The following STAU2 variants were observed in gnomAD, a reference collection of about 807,000 sequenced individuals.
STAU2 encodes staufen double-stranded RNA binding protein 2.
STAU2 carries 20 observed loss-of-function variants against 65.9 expected under a neutral mutation model. The ratio of observed to expected loss-of-function variants is 0.30; its 90% CI spans 0.21 to 0.44. STAU2 has a LOEUF of 0.44. Among genes scored for constraint, STAU2 ranks in the 20% least tolerant of loss-of-function variants. The pLI, the probability that STAU2 is intolerant of heterozygous loss-of-function variation, is 1.00. For missense variants in STAU2, 558 were observed against 683.9 expected, an observed-to-expected ratio of 0.82 and a Z score of 2.05; for synonymous variants, 232 against 233.9, an observed-to-expected ratio of 0.99 and a Z score of 0.07.
intron 6 of STAU2, among the ~76,000 whole-genome samples, chr8:73,650,526 TC>T (rs759687152): frequency 1.7e-4 from 26 of 152,294 alleles, no homozygotes; most frequent in Non-Finnish European, 3.1e-4. Flanking sequence ...AAGTCACTCA[TC>T]TATATCAAAC....
chr8:73,462,168 C>T (rs1403993368), intron 13 of STAU2, among the ~76,000 whole-genome samples: 1 of 152,166 alleles, frequency 6.6e-6, no homozygotes, highest in East Asian at 1.9e-4. Context: ...CAACCTCCAC[C>T]TCCTGGGTTC....
At chr8:73,544,672 G>A (rs1258085326) in intron 13 of STAU2, among the ~76,000 whole-genome samples, 1 of 152,110 alleles carries the variant, frequency 6.6e-6, no homozygotes, top group Non-Finnish European at 1.5e-5. Flanking sequence ...AGCCAGAAAT[G>A]TTCATTTCCA....
In STAU2 at chr8:73,424,131, A is replaced by T. The variant is rs577997469; in HGVS notation, c.1531-1429T>A. On this transcript the variant is annotated intron_variant, in intron 13 of 14. Coordinates refer to ENST00000524300, the MANE Select transcript of STAU2 (RefSeq NM_001164380.2). ...ACAGTTTTGCCATATAGCAGTTGGG[A>T]TCATACAATATGTCACCTTTTCAGA... 2.5e-4 allele frequency among the ~76,000 whole-genome samples: 33 copies of T among 129,940 alleles called. 1 individual carries two copies. In the South Asian group the frequency reaches 8.1e-3, roughly 32 times the overall value. 85.2% of individuals were successfully genotyped at this position (129,940 alleles called of 152,430 possible).
chr8:73,564,599 AGC>A (rs1808464404), intron 12 of STAU2, among the ~76,000 whole-genome samples: 1 of 152,076 alleles, frequency 6.6e-6, no homozygotes, highest in Non-Finnish European at 1.5e-5. Context: ...CTGTATGACA[AGC>A]CCCCATGACA....
At chr8:73,606,871 C>T (rs1038213717) in intron 9 of STAU2, among the ~76,000 whole-genome samples, 1 of 152,008 alleles carries the variant, frequency 6.6e-6, no homozygotes, top group African/African-American at 2.4e-5. Context: ...TATATCAATT[C>T]AATGAAATAT....
intron 12 of STAU2, among the ~76,000 whole-genome samples, chr8:73,562,863 C>T (rs1056430789): frequency 6.6e-6 from 1 of 152,014 alleles, no homozygotes; most frequent in Non-Finnish European, 1.5e-5. Context: ...CTATAATCAG[C>T]ACTTTGGAAG....
chr8:73,547,870 G>A (rs1039024032), intron 13 of STAU2, among the ~76,000 whole-genome samples: 15 of 151,354 alleles, frequency 9.9e-5, no homozygotes, highest in Non-Finnish European at 2.1e-4. Flanking sequence ...CATATCCATG[G>A]GCTATGCATC....
In STAU2 at chr8:73,437,878, C is replaced by T. The variant is rs1412793396; in HGVS notation, c.1531-15176G>A. The stretch of plus-strand genomic sequence containing the variant: ...TCTTCGCAGCAGGATCAGGCCACCT[C>T]CCACCTACACCCTTCAGCAGCCTCC... On this transcript the variant is annotated intron_variant, in intron 13 of 14. Transcript: ENST00000524300. Among the ~76,000 whole-genome samples, 3 of 151,906 alleles carry T rather than the reference C, an allele frequency of 2.0e-5. No individual in the cohort carries two copies. In the East Asian group the frequency reaches 5.8e-4, roughly 30 times the overall value.
At chr8:73,609,628 T>C (rs1812299582) in intron 9 of STAU2, among the ~76,000 whole-genome samples, 1 of 151,964 alleles carries the variant, frequency 6.6e-6, no homozygotes, top group South Asian at 2.1e-4. Context: ...CACTCCAGCC[T>C]GGCAACAGAG....
At chr8:73,438,469 C>T (rs1287097490) in intron 13 of STAU2, among the ~76,000 whole-genome samples, 4 of 152,248 alleles carry the variant, frequency 2.6e-5, no homozygotes, top group Admixed American at 6.5e-5. Context: ...GGAGCTGGGG[C>T]GCAAAGCCAC....
chr8:73,739,619 G>C, intron 2 of STAU2, 137 bp downstream of exon 2: 2 of 671,840 alleles, frequency 3.0e-6, no homozygotes, highest in Non-Finnish European at 4.4e-6. Context: ...TCTTACAATA[G>C]TGTCCTCAGC....
intron 10 of STAU2, among the ~76,000 whole-genome samples, chr8:73,596,981 A>G (rs1479798878): frequency 6.6e-6 from 1 of 152,214 alleles, no homozygotes; most frequent in African/African-American, 2.4e-5. Context: ...CAAAACTTGA[A>G]GGACACAGCA....
chr8:73,481,500 C>CAA (rs766805913), intron 13 of STAU2, among the ~76,000 whole-genome samples: 97 of 59,928 alleles, frequency 1.6e-3, no homozygotes, highest in South Asian at 4.5e-3. Context: ...CAAAATAAGC[C>CAA]AAAAAAACAA....
chr8:73,673,227 G>A lies in STAU2; in HGVS notation c.290C>T (p.Thr97Ile). 1 of 1,590,682 alleles carries A rather than the reference G, an allele frequency of 6.3e-7. No homozygotes were observed. Among genetic ancestry groups the A allele is most frequent in the Non-Finnish European group, 8.6e-7 (1 of 1,169,436 alleles). ...CATAGCAAGCCCATTCAGTTCCACAGTTGGAGTTATACTGCCTGTTTAAAA... is the reference window on the plus strand; with the variant it reads ...CATAGCAAGCCCATTCAGTTCCACAATTGGAGTTATACTGCCTGTTTAAAA... ...VNNNPGSITP[T>I]VELNGLAMKR... The change falls in exon 6 of 15, where the codon ACT (threonine) becomes ATT (isoleucine). Residue 97 changes from threonine to isoleucine, a missense_variant. By Grantham distance (89) the Thr-to-Ile change is moderately conservative. Coordinates refer to ENST00000524300, the MANE Select transcript of STAU2 (RefSeq NM_001164380.2).
At chr8:73,503,862 C>T (rs2128921143) in intron 13 of STAU2, among the ~76,000 whole-genome samples, 1 of 152,150 alleles carries the variant, frequency 6.6e-6, no homozygotes, top group East Asian at 1.9e-4. Flanking sequence ...CTCTATTTCT[C>T]TTTGACAGTC....
intron 9 of STAU2, among the ~76,000 whole-genome samples, chr8:73,609,145 A>G (rs543289606): frequency 6.6e-6 from 1 of 152,262 alleles, no homozygotes; most frequent in South Asian, 2.1e-4. Context: ...GGGGATGTCT[A>G]ATAGGTAGTG....
At chr8:73,595,463 C>A (rs931790833) in intron 10 of STAU2, among the ~76,000 whole-genome samples, 166 bp from the exon 11 acceptor site, 1 of 151,978 alleles carries the variant, frequency 6.6e-6, no homozygotes, top group African/African-American at 2.4e-5. Flanking sequence ...TGTATATGTA[C>A]ATGAAAAAAT....
At chr8:73,450,684 T>A (rs757441154) in intron 13 of STAU2, among the ~76,000 whole-genome samples, 2 of 152,258 alleles carry the variant, frequency 1.3e-5, no homozygotes, top group Non-Finnish European at 1.5e-5. Flanking sequence ...ACCTGTATAA[T>A]GCTGATCATC....
chr8:73,722,321 C>A (rs1821739408), intron 3 of STAU2, among the ~76,000 whole-genome samples: 2 of 152,184 alleles, frequency 1.3e-5, no homozygotes, highest in Admixed American at 1.3e-4. Flanking sequence ...AAAAAAATCT[C>A]ATGTATTTAC....
Sources: allele counts gnomAD v4.1 joint callset (sites outside exome capture counted in the v4.1 genomes callset), GRCh38; gene constraint gnomAD v4.1.1; transcripts MANE v1.5; gene names NCBI Gene and HGNC (gene_info 2026-07-23, HGNC 2026-07-21).